Variants in STAP2 observed in about 807,000 individuals in gnomAD.
The protein encoded by STAP2 is signal-transducing adaptor protein 2.
In STAP2, 58 loss-of-function variants were observed where a neutral mutation model predicts 52.7. The ratio of observed to expected loss-of-function variants is 1.10; its 90% CI spans 0.89 to 1.37. The LOEUF is 1.37. Among genes scored for constraint, STAP2 ranks in the 40% most tolerant of loss-of-function variants. STAP2 has a pLI of 0.00. For missense variants in STAP2, 522 were observed against 519.4 expected (o/e 1.00, Z -0.05); for synonymous variants, 231 against 210.5 (o/e 1.10, Z -0.84).
chr19:4,324,058 T>C lies in STAP2; in HGVS notation c.*75A>G, dbSNP rs1025673907. 2 of 1,489,138 alleles carry C rather than the reference T, an allele frequency of 1.3e-6. No homozygotes were observed. 92.2% of individuals were successfully genotyped at this position (1,489,138 alleles called of 1,614,324 possible). A position where few individuals can be genotyped will look rare whatever the true frequency, so the allele number is the denominator to read the frequency against. On this transcript the variant is annotated 3_prime_UTR_variant, in exon 13 of 13. Coordinates refer to ENST00000594605, the MANE Select transcript of STAP2 (RefSeq NM_001013841.2). ...GACACATGGGTCCTGGGGTCAGAGTTTTAATCCTGGGAAAAAGAATCTGGC... is the reference window on the plus strand; with the variant it reads ...GACACATGGGTCCTGGGGTCAGAGTCTTAATCCTGGGAAAAAGAATCTGGC...
chr19:4,327,324 C>T lies in STAP2; in HGVS notation c.652G>A (p.Glu218Lys). The T allele has an allele frequency of 6.2e-7, 1 of 1,614,130 alleles. No homozygotes were observed. The highest frequency in any genetic ancestry group is 8.5e-7 in the Non-Finnish European group (1 of 1,179,996). The change falls in exon 7 of 13, where the codon GAA becomes AAA. Residue 218 changes from glutamate (E) to lysine (K), a missense_variant. Transcript: ENST00000594605. ...REGPKYVIDV[E>K]QPFSCTSLDA... ...TCTGGCCCAACGCTCACCGGCTGTT[C>T]CACATCGATCACGTACTTGGGGCCC... is the stretch of plus-strand genomic sequence containing the variant.
In STAP2 at chr19:4,328,712, C is replaced by T. The variant is rs763069118; in HGVS notation, c.553G>A (p.Asp185Asn). 37 of 1,606,850 alleles carry T rather than the reference C, an allele frequency of 2.3e-5. No individual in the cohort carries two copies. Among genetic ancestry groups the T allele is most frequent in the Admixed American group, 3.4e-5 (2 of 59,486 alleles). Residue 185 changes from aspartate to asparagine, a missense_variant, in exon 6 of 13, where the codon GAC becomes AAC. By Grantham distance (23) the Asp-to-Asn change is conservative. Coordinates refer to ENST00000594605, the MANE Select transcript of STAP2 (RefSeq NM_001013841.2). ...TGCCGCGTGGTGACCGACACGCCGTCGGCGCCGTCCCCGCTGGGCCGCAGC... is the reference window on the plus strand; with the variant it reads ...TGCCGCGTGGTGACCGACACGCCGTTGGCGCCGTCCCCGCTGGGCCGCAGC... ...LLLRPSGDGA[D>N]GVSVTTRQMH... is the part of the protein sequence containing the mutation.
chr19:4,337,548 C>CAAA (rs376844059), intron 1 of STAP2, among the ~76,000 whole-genome samples: 1 of 100,662 alleles, frequency 9.9e-6, no homozygotes. Context: ...ACCCCATCTT[C>CAAA]AAAAAAAAAA....
Position 4,327,152 on chromosome 19 carries a change from C to G in STAP2, c.735G>C (p.Leu245=). 6.2e-7 allele frequency: 1 copy of G among 1,614,218 alleles called. No homozygotes were observed. The highest frequency in any genetic ancestry group is 8.5e-7 in the Non-Finnish European group (1 of 1,180,032). ...SHTKKALVPF[L]LDEDYEKVLG... The stretch of plus-strand genomic sequence containing the variant: ...GCACCTTCTCGTAGTCCTCGTCTAA[C>G]AGGAATGGCACCAGCGCCTTTTTGG... Residue 245 remains leucine (L), a synonymous_variant, in exon 8 of 13, where the codon CTG becomes CTC. Coordinates refer to ENST00000594605, the MANE Select transcript of STAP2 (RefSeq NM_001013841.2).
chr19:4,325,904 G>A (rs1169079204), intron 9 of STAP2, among the ~76,000 whole-genome samples: 1 of 152,000 alleles, frequency 6.6e-6, no homozygotes, highest in Non-Finnish European at 1.5e-5. Context: ...GGGAGGGAGA[G>A]GTTGCAGTGA....
rs777934276 is a variant in STAP2, at chr19:4,327,316, C to T, written c.660G>A (p.Pro220=). The T allele has an allele frequency of 1.9e-6, 3 of 1,614,120 alleles. No individual in the cohort carries two copies. The highest frequency in any genetic ancestry group is 1.7e-6 in the Non-Finnish European group (2 of 1,179,992). Residue 220 remains proline, a splice_region_variant and synonymous_variant, in exon 7 of 13, where the codon CCG becomes CCA. Coordinates refer to ENST00000594605, the MANE Select transcript of STAP2 (RefSeq NM_001013841.2). ...CTAGGGACTCTGGCCCAACGCTCAC[C>T]GGCTGTTCCACATCGATCACGTACT... ...GPKYVIDVEQ[P]FSCTSLDAVV... is the part of the protein sequence containing the mutation.
chr19:4,337,717 C>T (rs1599557453), intron 1 of STAP2, among the ~76,000 whole-genome samples: 1 of 151,994 alleles, frequency 6.6e-6, no homozygotes, highest in South Asian at 2.1e-4. Context: ...GTGGTGCGTA[C>T]CTGTAATCCC....
chr19:4,326,320 T>G (rs1354189474), intron 9 of STAP2, among the ~76,000 whole-genome samples: 1 of 152,234 alleles, frequency 6.6e-6, no homozygotes, highest in Non-Finnish European at 1.5e-5. Context: ...TGTGTCACCT[T>G]CTGGCTAGGC....
At position 4,328,682 on chromosome 19, in the gene STAP2, G is replaced by A; in HGVS notation, c.583C>T (p.His195Tyr). The change falls in exon 6 of 13, where the codon CAC becomes TAC. Residue 195 changes from histidine to tyrosine, a missense_variant. Transcript: ENST00000594605. ...CCAGACGCGCATGCGCACCCGTTGT[G>A]CATCTGCCGCGTGGTGACCGACACG... ...DGVSVTTRQMHNGTHVVRHYK... is the reference protein window; with the variant it reads ...DGVSVTTRQMYNGTHVVRHYK... The A allele has an allele frequency of 4.4e-6, 7 of 1,591,196 alleles. No homozygotes were observed. Among genetic ancestry groups the A allele is most frequent in the South Asian group, 1.1e-5 (1 of 89,258 alleles).
At chr19:4,329,269 T>G (rs1971848727) in intron 5 of STAP2, among the ~76,000 whole-genome samples, 1 of 151,658 alleles carries the variant, frequency 6.6e-6, no homozygotes. Context: ...CTGGCCGGGT[T>G]TTTTGGTTTT....
At chr19:4,326,685 C>G (rs1000975770) in intron 9 of STAP2, among the ~76,000 whole-genome samples, 1 of 152,128 alleles carries the variant, frequency 6.6e-6, no homozygotes, top group Non-Finnish European at 1.5e-5. Context: ...AGGCGCCTCC[C>G]CCGAGCCCAG....
At position 4,328,725 on chromosome 19, in the gene STAP2, G is replaced by T; in HGVS notation, c.540C>A (p.Ser180Arg). ...CCGACACGCCGTCGGCGCCGTCCCCGCTGGGCCGCAGCAGCAGGTTCCCGC... is the reference window on the plus strand; with the variant it reads ...CCGACACGCCGTCGGCGCCGTCCCCTCTGGGCCGCAGCAGCAGGTTCCCGC... ...PECGNLLLRP[S>R]GDGADGVSVT... Residue 180 changes from serine (S) to arginine (R), a missense_variant, in exon 6 of 13, where the codon AGC (serine) becomes AGA (arginine). By Grantham distance (110) the Ser-to-Arg change is moderately radical. Transcript: ENST00000594605. 3 of 1,549,864 alleles carry T rather than the reference G, an allele frequency of 1.9e-6. No individual in the cohort carries two copies. Among genetic ancestry groups the T allele is most frequent in the Non-Finnish European group, 2.6e-6 (3 of 1,142,026 alleles).
intron 3 of STAP2, 118 bp from the exon 4 acceptor site, chr19:4,332,196 C>CTTTTTTTTTT (rs58828365): frequency 2.3e-5 from 5 of 218,766 alleles, no homozygotes; most frequent in Admixed American, 1.2e-4. Flanking sequence ...TCTTTTTCTT[C>CTTTTTTTTTT]TTTTTTTTTT....
intron 4 of STAP2, among the ~76,000 whole-genome samples, chr19:4,331,610 A>G (rs1490775475): frequency 6.6e-6 from 1 of 151,538 alleles, no homozygotes; most frequent in African/African-American, 2.4e-5. Context: ...AGCCTGGGCA[A>G]CAGAGTGAGA....
intron 9 of STAP2, 25 bp downstream of exon 9, chr19:4,326,917 T>G: frequency 6.5e-7 from 1 of 1,546,750 alleles, no homozygotes; most frequent in Non-Finnish European, 8.7e-7. Context: ...CCCTCCCACC[T>G]CGGCCCGCGG....
Position 4,334,704 on chromosome 19 carries a change from TCATC to T in STAP2, c.103-664_103-661del, listed in dbSNP as rs548440190. Among the ~76,000 whole-genome samples the T allele has an allele frequency of 9.5e-5, 14 of 147,526 alleles. No homozygotes were observed. In the South Asian group the frequency reaches 2.9e-3, roughly 30 times the overall value. On this transcript the variant is annotated intron_variant, in intron 1 of 12. Coordinates refer to ENST00000594605, the MANE Select transcript of STAP2 (RefSeq NM_001013841.2). ...CATCTATCCATCATGGAGCCATTCA[TCATC>T]CATCCATCCAGTCATTCATCAATAC...
At chr19:4,338,262 G>C (rs1447990615) in intron 1 of STAP2, 1 of 169,416 alleles carries the variant, frequency 5.9e-6, no homozygotes, top group Admixed American at 6.2e-5. Context: ...AGTTTTTCCT[G>C]GGCTGGGAGC....
In STAP2 at chr19:4,326,981, C is replaced by T; in HGVS notation, c.790G>A (p.Gly264Ser). The change falls in exon 9 of 13, where the codon GGC becomes AGC. Residue 264 changes from glycine to serine, a missense_variant. Physicochemically the swap from Gly to Ser is moderately conservative, Grantham distance 56. Transcript: ENST00000594605. ...GAGGGCGCCACCCACACATTCTCGC[C>T]ATTCTCCTTATCGGCTTCCACGTAG... ...LGYVEADKENGENVWVAPSAP... is the reference protein window; with the variant it reads ...LGYVEADKENSENVWVAPSAP... 1.9e-6 allele frequency: 3 copies of T among 1,553,828 alleles called. No individual in the cohort carries two copies. In the African/African-American group the frequency reaches 4.1e-5, roughly 21 times the overall value.
intron 9 of STAP2, 41 bp downstream of exon 9, chr19:4,326,901 C>G (rs62129306): frequency 0.067 from 103,909 of 1,548,904 alleles, 3,863 homozygotes; most frequent in Admixed American, 0.11. Context: ...ATGCGGGGTC[C>G]TCGATCCCTC....
Sources: gnomAD v4.1 joint callset for allele counts (sites outside exome capture counted in the v4.1 genomes callset) on GRCh38, gnomAD v4.1.1 for gene constraint, MANE v1.5 for transcripts, NCBI Gene and HGNC (gene_info 2026-07-23, HGNC 2026-07-21) for gene names.